The following ITPR2 variants were observed in gnomAD, a reference collection of about 807,000 sequenced individuals.
The protein encoded by ITPR2 is inositol 1,4,5-trisphosphate-gated calcium channel ITPR2.
Under a neutral mutation model 317.1 loss-of-function variants are expected in ITPR2, and 207 were observed. The ratio of observed to expected loss-of-function variants is 0.65; its 90% CI spans 0.58 to 0.73. The LOEUF is 0.73. Among genes scored for constraint, ITPR2 ranks in the 30% least tolerant of loss-of-function variants. The probability of loss-of-function intolerance (pLI) is 0.00; values close to 1 mark genes in which losing one functional copy is unlikely to be tolerated. For missense variants in ITPR2, 2,613 were observed against 3,284.0 expected, an observed-to-expected ratio of 0.80 and a Z score of 4.99; for synonymous variants, 1,156 against 1,149.1, an observed-to-expected ratio of 1.01 and a Z score of -0.12.
chr12:26,598,526 A>G (rs1945910461), intron 30 of ITPR2, among the ~76,000 whole-genome samples: 1 of 152,216 alleles, frequency 6.6e-6, no homozygotes. Flanking sequence ...AATGTATCAT[A>G]CTTGCTTCCT....
At chr12:26,640,187 T>G (rs893212884) in intron 21 of ITPR2, among the ~76,000 whole-genome samples, 3 of 152,154 alleles carry the variant, frequency 2.0e-5, no homozygotes, top group Non-Finnish European at 2.9e-5. Flanking sequence ...GTAGACAGCT[T>G]AGAACAACAT....
intron 21 of ITPR2, among the ~76,000 whole-genome samples, chr12:26,642,617 T>C (rs1489082868): frequency 2.6e-5 from 4 of 152,142 alleles, no homozygotes; most frequent in African/African-American, 9.7e-5. Context: ...CAAAAGATAT[T>C]ACTCATTAAT....
rs574710709 is a variant in ITPR2 at position 26,365,188 on chromosome 12, C to T, written c.7857+22246G>A. The stretch of plus-strand genomic sequence containing the variant: ...CTAGGCAAGTCAGACAGTTTTCATG[C>T]CTGAACACAGAGGACCTGAGGAAAG... On this transcript the variant is annotated intron_variant, in intron 55 of 56. Coordinates refer to ENST00000381340, the MANE Select transcript of ITPR2 (RefSeq NM_002223.4). Among the ~76,000 whole-genome samples, 4 of 152,222 alleles carry T rather than the reference C, an allele frequency of 2.6e-5. No homozygotes were observed. The South Asian group carries it at 8.3e-4, about 32-fold the overall frequency.
chr12:26,454,057 T>C (rs1467205620), intron 45 of ITPR2, among the ~76,000 whole-genome samples: 1 of 152,160 alleles, frequency 6.6e-6, no homozygotes, highest in African/African-American at 2.4e-5. Context: ...GATGGATGGA[T>C]GGATGGCATA....
intron 1 of ITPR2, among the ~76,000 whole-genome samples, chr12:26,814,720 T>C (rs1292244588): frequency 6.6e-6 from 1 of 152,238 alleles, no homozygotes; most frequent in African/African-American, 2.4e-5. Context: ...TATACACGTA[T>C]ATACTAAGTT....
chr12:26,462,965 C>G, intron 45 of ITPR2, among the ~76,000 whole-genome samples: 1 of 152,126 alleles, frequency 6.6e-6, no homozygotes, highest in East Asian at 1.9e-4. Context: ...AGCCACGGTG[C>G]CTGAGCTATA....
intron 37 of ITPR2, among the ~76,000 whole-genome samples, chr12:26,523,758 G>A (rs1043091678): frequency 4.6e-5 from 7 of 152,194 alleles, no homozygotes; most frequent in African/African-American, 1.7e-4. Flanking sequence ...CTACTGTAGA[G>A]CAGTAAAAGC....
At chr12:26,816,529 G>A (rs1412778309) in intron 1 of ITPR2, among the ~76,000 whole-genome samples, 1 of 152,174 alleles carries the variant, frequency 6.6e-6, no homozygotes, top group African/African-American at 2.4e-5. Flanking sequence ...TACTTCTTGA[G>A]TATCTACTAT....
intron 44 of ITPR2, 114 bp from the exon 45 acceptor site, chr12:26,475,532 T>G: frequency 9.0e-7 from 1 of 1,110,352 alleles, no homozygotes; most frequent in Non-Finnish European, 1.3e-6. Flanking sequence ...ATAAAAGGAC[T>G]CTAAATGAAA....
chr12:26,355,883 G>T (rs1440377721), intron 55 of ITPR2, among the ~76,000 whole-genome samples: 1 of 152,120 alleles, frequency 6.6e-6, no homozygotes, highest in Non-Finnish European at 1.5e-5. Flanking sequence ...ATTCAAAGTT[G>T]GATGAAGGTG....
At chr12:26,632,710 T>C (rs957576475) in intron 21 of ITPR2, among the ~76,000 whole-genome samples, 3 of 152,094 alleles carry the variant, frequency 2.0e-5, no homozygotes, top group Admixed American at 2.0e-4. Flanking sequence ...ATGTTTGAGG[T>C]GATTATGGAA....
At chr12:26,605,126 A>AAAAAAAATATATATAT in intron 26 of ITPR2, among the ~76,000 whole-genome samples, 1 of 136,324 alleles carries the variant, frequency 7.3e-6, no homozygotes, top group South Asian at 2.4e-4. Context: ...AAAAAATAAA[A>AAAAAAAATATATATAT]ATATATATAT....
At chr12:26,728,174 C>T (rs1455308072) in intron 2 of ITPR2, among the ~76,000 whole-genome samples, 1 of 152,124 alleles carries the variant, frequency 6.6e-6, no homozygotes, top group Admixed American at 6.6e-5. Context: ...GGCAGGAAGG[C>T]CATCCCCGAA....
intron 13 of ITPR2, among the ~76,000 whole-genome samples, chr12:26,680,741 C>T (rs1948012557): frequency 6.6e-6 from 1 of 152,130 alleles, no homozygotes. Flanking sequence ...ATGAAAATAA[C>T]ATAATTTTCA....
chr12:26,768,253 G>A (rs942249367), intron 2 of ITPR2, among the ~76,000 whole-genome samples: 5 of 147,006 alleles, frequency 3.4e-5, no homozygotes, highest in African/African-American at 1.2e-4. Context: ...ATCACACTCT[G>A]GGGACGGTGG....
rs1307488517 is a variant in ITPR2, at chr12:26,666,436, G to A, written c.1410-385C>T. ...AGCCATGTGAGTCGCAACTGCACAC[G>A]AGTTGGTAGGATGACACCACCAGAT... On this transcript the variant is annotated intron_variant, in intron 13 of 56. Transcript: ENST00000381340. 2.0e-5 allele frequency among the ~76,000 whole-genome samples: 3 copies of A among 152,250 alleles called. No individual in the cohort carries two copies. In the East Asian group the frequency reaches 5.8e-4, roughly 29 times the overall value.
chr12:26,352,362 C>T (rs1938509248), intron 55 of ITPR2, among the ~76,000 whole-genome samples: 1 of 152,230 alleles, frequency 6.6e-6, no homozygotes, highest in Admixed American at 6.5e-5. Context: ...GGCACTCTTC[C>T]TCTAACCAGG....
At chr12:26,696,991 G>A (rs1384911386) in intron 9 of ITPR2, among the ~76,000 whole-genome samples, 1 of 152,162 alleles carries the variant, frequency 6.6e-6, no homozygotes, top group Non-Finnish European at 1.5e-5. Flanking sequence ...TGAGAAGCAT[G>A]GTGTGAAGAG....
At chr12:26,656,205 C>T in intron 19 of ITPR2, 92 bp downstream of exon 19, 2 of 1,482,376 alleles carry the variant, frequency 1.3e-6, no homozygotes, top group African/African-American at 1.4e-5. Context: ...TACACAAATG[C>T]CTTTCCACAT....
Sources: gnomAD v4.1 joint callset for allele counts (sites outside exome capture counted in the v4.1 genomes callset) on GRCh38, gnomAD v4.1.1 for gene constraint, MANE v1.5 for transcripts, NCBI Gene and HGNC (gene_info 2026-07-23, HGNC 2026-07-21) for gene names.